Variants in SYNE1 observed in about 807,000 individuals in gnomAD.
SYNE1 encodes the protein spectrin repeat containing nuclear envelope protein 1, also known as nesprin-1.
Under a neutral mutation model 1,111.0 loss-of-function variants are expected in SYNE1, and 616 were observed. The observed-to-expected ratio is 0.55, with a 90% CI of 0.52 to 0.59. SYNE1 has a LOEUF of 0.59. Ranked by LOEUF, SYNE1 falls within the 20% of genes least tolerant of loss-of-function variation. SYNE1 has a pLI of 0.00. For missense variants in SYNE1, 10,006 were observed against 10,417.0 expected (o/e 0.96, Z 1.72); for synonymous variants, 3,855 against 3,825.8 (o/e 1.01, Z -0.28).
At chr6:152,267,925 C>A in intron 100 of SYNE1, 131 bp downstream of exon 100, 1 of 797,162 alleles carries the variant, frequency 1.3e-6, no homozygotes, top group South Asian at 1.5e-5. Context: ...ACATTTACTA[C>A]CCTAAAGTAA....
rs1408146526 is a variant in SYNE1 at position 152,189,384 on chromosome 6, G to A, written c.23169C>T (p.Ser7723=). 1.2e-6 allele frequency: 2 copies of A among 1,613,922 alleles called. No individual in the cohort carries two copies. The highest frequency in any genetic ancestry group is 2.7e-5 in the African/African-American group (2 of 74,886). ...RCKELENAVG[S]WTDDLTQLSL... ...TCAACTGGGTCAAGTCATCTGTCCA[G>A]CTCCCAACTGCATTTTCTAATTCCT... The change falls in exon 128 of 146, where the codon AGC becomes AGT. Residue 7723 remains serine, a synonymous_variant. Transcript: ENST00000367255.
At position 152,367,249 on chromosome 6, in the gene SYNE1, C is replaced by T. The variant is rs1188481121; in HGVS notation, c.9941G>A (p.Ser3314Asn). Residue 3314 changes from serine to asparagine, a missense_variant, in exon 62 of 146, where the codon AGT becomes AAT. Ser to Asn is a conservative substitution (Grantham distance 46, BLOSUM62 1). Transcript: ENST00000367255. The part of the protein sequence containing the change: ...DSYCHPTSDK[S>N]VLDSRTLKLE... Reference sequence around the variant, plus strand: ...CTTGAGCGTCCTGCTGTCCAGCACACTTTTGTCGGATGTCGGGTGGCAGTA... The same window carrying T: ...CTTGAGCGTCCTGCTGTCCAGCACATTTTTGTCGGATGTCGGGTGGCAGTA... 1.2e-6 allele frequency: 2 copies of T among 1,614,090 alleles called. No homozygotes were observed. The highest frequency in any genetic ancestry group is 2.7e-5 in the African/African-American group (2 of 74,924).
At chr6:152,170,803 T>A (rs2065007321) in intron 130 of SYNE1, among the ~76,000 whole-genome samples, 1 of 152,212 alleles carries the variant, frequency 6.6e-6, no homozygotes, top group African/African-American at 2.4e-5. Context: ...GCGGTTGATA[T>A]GGTTTAGCTG....
intron 3 of SYNE1, among the ~76,000 whole-genome samples, chr6:152,597,808 T>C (rs187757807): frequency 1.1e-4 from 16 of 152,346 alleles, no homozygotes; most frequent in African/African-American, 3.6e-4. Flanking sequence ...AGCGATGTTT[T>C]TCTTCTCTAG....
chr6:152,300,869 T>A (rs2063289853), intron 92 of SYNE1, 88 bp from the exon 93 acceptor site: 1 of 1,592,872 alleles, frequency 6.3e-7, no homozygotes, highest in African/African-American at 1.3e-5. Flanking sequence ...AAAACAGAGT[T>A]AATTATAAAA....
In SYNE1 at chr6:152,407,080, C is replaced by T. The variant is rs1487427001; in HGVS notation, c.6657G>A (p.Gln2219=). The T allele has an allele frequency of 6.2e-6, 10 of 1,613,888 alleles. No homozygotes were observed. Among genetic ancestry groups the T allele is most frequent in the Non-Finnish European group, 8.5e-6 (10 of 1,179,966 alleles). ...CCAGGTTGCTGATGTTTTCTGCCAT[C>T]TGTGGAACGCAGTTGTTTGACCATC... ...IEGWSNNCVP[Q]MAENISNLDN... The change falls in exon 45 of 146, where the codon CAG becomes CAA. Residue 2219 remains glutamine, a synonymous_variant. Transcript: ENST00000367255.
chr6:152,131,744 C>T (rs1025207607), intron 144 of SYNE1, among the ~76,000 whole-genome samples: 6 of 152,156 alleles, frequency 3.9e-5, no homozygotes, highest in African/African-American at 9.7e-5. Context: ...TTCTGTGCAC[C>T]TCCAGCCGAG....
chr6:152,390,528 A>G, intron 52 of SYNE1, 76 bp from the exon 53 acceptor site: 1 of 1,465,068 alleles, frequency 6.8e-7, no homozygotes, highest in Non-Finnish European at 9.4e-7. Flanking sequence ...GTAGTTTTCC[A>G]TAAGAATTGA....
chr6:152,454,213 TGTGCACAC>T (rs1360809076), intron 24 of SYNE1, among the ~76,000 whole-genome samples: 16 of 152,214 alleles, frequency 1.1e-4, no homozygotes, highest in Admixed American at 3.3e-4. Context: ...GAAGCACACA[TGTGCACAC>T]AGAAGCACAC....
At chr6:152,376,294 C>G (rs533622211) in intron 58 of SYNE1, 87 bp downstream of exon 58, 2 of 1,451,982 alleles carry the variant, frequency 1.4e-6, no homozygotes, top group South Asian at 2.3e-5. Flanking sequence ...TACCAGTCCG[C>G]GGCCCAGGAG....
intron 110 of SYNE1, 108 bp downstream of exon 110, chr6:152,235,999 A>T (rs898464816): frequency 7.8e-7 from 1 of 1,275,490 alleles, no homozygotes; most frequent in Non-Finnish European, 1.1e-6. Context: ...CGTATTGGCC[A>T]CCCAAGTAAT....
At chr6:152,379,012 C>G (rs1195291186) in intron 56 of SYNE1, among the ~76,000 whole-genome samples, 1 of 152,074 alleles carries the variant, frequency 6.6e-6, no homozygotes, top group African/African-American at 2.4e-5. Context: ...AAACTAGGAC[C>G]AACTATTTTA....
Position 152,376,932 on chromosome 6 carries a change from C to T in SYNE1, c.9010-20G>A, listed in dbSNP as rs759947269. The T allele has an allele frequency of 3.1e-6, 5 of 1,612,856 alleles. No homozygotes were observed. In the South Asian group the frequency reaches 5.5e-5, roughly 18 times the overall value. ...TATCTCCTGTTCAGAAATAATGAGACAAAGAAGCGAGCACTTACATTGGGT... is the reference window on the plus strand; with the variant it reads ...TATCTCCTGTTCAGAAATAATGAGATAAAGAAGCGAGCACTTACATTGGGT... On this transcript the variant is annotated intron_variant, in intron 56 of 145. Coordinates refer to ENST00000367255, the MANE Select transcript of SYNE1 (RefSeq NM_182961.4).
At position 152,637,357 on chromosome 6, in the gene SYNE1, T is replaced by C. The variant is rs1410724992; in HGVS notation, c.-560A>G. On this transcript the variant is annotated 5_prime_UTR_variant, in exon 1 of 146. Coordinates refer to ENST00000367255, the MANE Select transcript of SYNE1 (RefSeq NM_182961.4). Reference sequence around the variant, plus strand: ...CCTCCGCTGCCTGGAGGAGCTGCGCTGTCCTGCCAGCTAACTTTTGCCCAC... The same window carrying C: ...CCTCCGCTGCCTGGAGGAGCTGCGCCGTCCTGCCAGCTAACTTTTGCCCAC... The C allele has an allele frequency of 2.0e-5, 3 of 152,304 alleles. No individual in the cohort carries two copies. The highest frequency in any genetic ancestry group is 4.4e-5 in the Non-Finnish European group (3 of 68,084). 9.4% of individuals were successfully genotyped at this position (152,304 alleles called of 1,614,324 possible).
At chr6:152,398,330 C>T (rs1360945501) in intron 49 of SYNE1, among the ~76,000 whole-genome samples, 1 of 152,080 alleles carries the variant, frequency 6.6e-6, no homozygotes, top group African/African-American at 2.4e-5. Flanking sequence ...AATTATTATA[C>T]TCTTATTGTT....
intron 39 of SYNE1, among the ~76,000 whole-genome samples, chr6:152,421,133 TGTGATGCCTTTATA>T (rs555388256): frequency 9.2e-5 from 14 of 152,346 alleles, no homozygotes; most frequent in African/African-American, 3.4e-4. Flanking sequence ...TACTTTTCTA[TGTGATGCCTTTATA>T]AAGTTCCTGA....
At position 152,218,358 on chromosome 6, in the gene SYNE1, A is replaced by G. The variant is rs776454746; in HGVS notation, c.22090T>C (p.Leu7364=). The G allele has an allele frequency of 6.2e-6, 10 of 1,613,868 alleles. No individual in the cohort carries two copies. The highest frequency in any genetic ancestry group is 1.3e-5 in the African/African-American group (1 of 74,878). ...YETFAKSLEA[L]EAWIVEAEEI... The stretch of plus-strand genomic sequence containing the variant: ...TCAGCTTCCACTATCCAGGCCTCCA[A>G]AGCTTCTAAACTCTTGGCAAAGGTT... Residue 7364 remains leucine, a synonymous_variant, in exon 121 of 146, where the codon TTG becomes CTG. Coordinates refer to ENST00000367255, the MANE Select transcript of SYNE1 (RefSeq NM_182961.4).
intron 140 of SYNE1, among the ~76,000 whole-genome samples, chr6:152,139,707 A>AAAAAGAAAAAG (rs2058020123): frequency 1.3e-5 from 1 of 74,078 alleles, no homozygotes; most frequent in Non-Finnish European, 2.5e-5. Flanking sequence ...AGAGAAAAAG[A>AAAAAGAAAAAG]AAAGAAAGAA....
intron 77 of SYNE1, 57 bp from the exon 78 acceptor site, chr6:152,331,947 G>T (rs577571336): frequency 6.3e-7 from 1 of 1,598,168 alleles, no homozygotes; most frequent in Middle Eastern, 1.7e-4. Context: ...ATCGATGTTT[G>T]TTCATACTAT....
Sources: gnomAD v4.1 joint callset for allele counts (sites outside exome capture counted in the v4.1 genomes callset) on GRCh38, gnomAD v4.1.1 for gene constraint, MANE v1.5 for transcripts, NCBI Gene and HGNC (gene_info 2026-07-23, HGNC 2026-07-21) for gene names.